The following MCF2L variants were observed in gnomAD, a reference collection of about 807,000 sequenced individuals.
MCF2L encodes guanine nucleotide exchange factor DBS.
MCF2L carries 97 observed loss-of-function variants against 153.4 expected under a neutral mutation model. That is an observed-to-expected ratio of 0.63 (90% confidence interval 0.54 to 0.75). MCF2L has a LOEUF of 0.75. Ranked by LOEUF, MCF2L falls within the 30% of genes least tolerant of loss-of-function variation. MCF2L has a pLI of 0.00. For synonymous variants in MCF2L, 659 were observed against 632.2 expected, an observed-to-expected ratio of 1.04 and a Z score of -0.64; for missense variants, 1,347 against 1,495.2, an observed-to-expected ratio of 0.90 and a Z score of 1.64.
rs542448238 is a variant in MCF2L, at chr13:113,001,891, C to T, written c.80-12872C>T. 9.5e-5 allele frequency: 150 copies of T among 1,583,534 alleles called. No homozygotes were observed. In the East Asian group the frequency reaches 2.6e-3, roughly 28 times the overall value. Reference sequence around the variant, plus strand: ...CGTTCCGGGAGCCGGGTCGGGGGCTCCTGACTCGCACTGGGCAGCATGACG... The same window carrying T: ...CGTTCCGGGAGCCGGGTCGGGGGCTTCTGACTCGCACTGGGCAGCATGACG... On this transcript the variant is annotated intron_variant, in intron 1 of 29. Coordinates refer to ENST00000535094, the MANE Select transcript of MCF2L (RefSeq NM_001112732.3).
At chr13:113,056,934 G>T (rs2030011429) in intron 4 of MCF2L, among the ~76,000 whole-genome samples, 1 of 136,282 alleles carries the variant, frequency 7.3e-6, no homozygotes, top group Non-Finnish European at 1.6e-5. Context: ...CGCTGAGTGG[G>T]TGCTGAGTGG....
At chr13:112,996,523 C>T (rs1041897880) in intron 1 of MCF2L, among the ~76,000 whole-genome samples, 1 of 152,202 alleles carries the variant, frequency 6.6e-6, no homozygotes, top group African/African-American at 2.4e-5. Flanking sequence ...CAAATGTTTC[C>T]CACCATGTGG....
intron 1 of MCF2L, among the ~76,000 whole-genome samples, chr13:113,000,424 C>A (rs900585730): frequency 2.6e-5 from 4 of 152,148 alleles, no homozygotes; most frequent in Admixed American, 6.5e-5. Flanking sequence ...AGGACCCAGG[C>A]GTGGAGGAAG....
Position 112,969,456 on chromosome 13 carries a change from C to G in MCF2L, c.77C>G (p.Thr26Arg). ...AGATTAAATGCGGTTTCCAAGCACACGGGTAGGAGGAGCTGCTGGCCGTCA... is the reference window on the plus strand; with the variant it reads ...AGATTAAATGCGGTTTCCAAGCACAGGGGTAGGAGGAGCTGCTGGCCGTCA... ...VQRLNAVSKH[T>R]DEIMHQDIVP... is the part of the protein sequence containing the mutation. Residue 26 changes from threonine (T) to arginine (R), a missense_variant and splice_region_variant, in exon 1 of 30, where the codon ACG becomes AGG. Coordinates refer to ENST00000535094, the MANE Select transcript of MCF2L (RefSeq NM_001112732.3). The surrounding 1 kb of genome is among the most constrained non-coding windows in gnomAD (Gnocchi z 4.8). 6.5e-7 allele frequency: 1 copy of G among 1,550,116 alleles called. No homozygotes were observed. The highest frequency in any genetic ancestry group is 8.7e-7 in the Non-Finnish European group (1 of 1,146,682).
chr13:112,914,298 G>A (rs1364844760), intron 2 of MCF2L, among the ~76,000 whole-genome samples: 1 of 152,172 alleles, frequency 6.6e-6, no homozygotes, highest in Non-Finnish European at 1.5e-5. Flanking sequence ...ATGGTAAATA[G>A]CGTCTGCACG....
Position 113,081,403 on chromosome 13 carries a change from C to A in MCF2L, c.1875+124C>A, listed in dbSNP as rs935559410. The A allele has an allele frequency of 1.3e-4, 120 of 956,132 alleles. No homozygotes were observed. The East Asian group carries it at 3.2e-3, about 25-fold the overall frequency. 59.2% of individuals were successfully genotyped at this position (956,132 alleles called of 1,614,324 possible). A position where few individuals can be genotyped will look rare whatever the true frequency, so the allele number is the denominator to read the frequency against. On this transcript the variant is annotated intron_variant, in intron 16 of 29. Coordinates refer to ENST00000535094, the MANE Select transcript of MCF2L (RefSeq NM_001112732.3). ...CCACCAAATGCATGTGAGAGAGCGC[C>A]CACAGCAGCCTGGTCGGGCCCCAGA...
At chr13:112,917,366 G>A (rs139814288) in intron 2 of MCF2L, 71 of 349,730 alleles carry the variant, frequency 2.0e-4, no homozygotes, top group African/African-American at 1.3e-3. Flanking sequence ...ACTCATGCCC[G>A]TATCCGACCT....
chr13:112,937,861 G>A (rs368554316), intron 2 of MCF2L, among the ~76,000 whole-genome samples: 1 of 139,350 alleles, frequency 7.2e-6, no homozygotes, highest in South Asian at 2.3e-4. Context: ...CAGGTGAACT[G>A]TGATTGGTTG....
intron 2 of MCF2L, among the ~76,000 whole-genome samples, chr13:113,018,806 C>G (rs188505974): frequency 1.4e-3 from 206 of 152,356 alleles, no homozygotes; most frequent in African/African-American, 4.4e-3. Context: ...CAGAGGCCAC[C>G]GCCACTGTGC....
intron 2 of MCF2L, among the ~76,000 whole-genome samples, chr13:112,958,516 T>C (rs535367860): frequency 6.6e-6 from 1 of 152,280 alleles, no homozygotes; most frequent in African/African-American, 2.4e-5. Flanking sequence ...AGGGTGGGAC[T>C]GGGTGGCGGG....
intron 1 of MCF2L, among the ~76,000 whole-genome samples, chr13:112,990,142 C>T (rs983481229): frequency 1.3e-5 from 2 of 152,192 alleles, no homozygotes; most frequent in Admixed American, 6.5e-5. Flanking sequence ...GTCTGTGGCT[C>T]GGGGCTTGCA....
intron 2 of MCF2L, among the ~76,000 whole-genome samples, chr13:112,926,512 C>T (rs76113482): frequency 0.096 from 14,613 of 151,828 alleles, 797 homozygotes; most frequent in East Asian, 0.17. Flanking sequence ...ACATGCACAG[C>T]GGAGTACTGT....
intron 2 of MCF2L, among the ~76,000 whole-genome samples, chr13:112,952,762 G>T (rs1287433159): frequency 6.6e-6 from 1 of 152,238 alleles, no homozygotes; most frequent in Non-Finnish European, 1.5e-5. Flanking sequence ...CTGGAGTCAT[G>T]TGGAGCAGGA....
In MCF2L at chr13:113,088,559, C is replaced by T. The variant is rs1265973833; in HGVS notation, c.2768-3C>T. 6.2e-7 allele frequency: 1 copy of T among 1,611,124 alleles called. No homozygotes were observed. The highest frequency in any genetic ancestry group is 1.7e-5 in the Admixed American group (1 of 59,900). Reference sequence around the variant, plus strand: ...ACGTGGTTTGTCTGCTCCCTCCTCGCAGAAGCCAGCCAGCACCGGGCGCTG... The same window carrying T: ...ACGTGGTTTGTCTGCTCCCTCCTCGTAGAAGCCAGCCAGCACCGGGCGCTG... On this transcript the variant is annotated splice_polypyrimidine_tract_variant and splice_region_variant and intron_variant, in intron 24 of 29. Transcript: ENST00000535094.
chr13:112,969,190 A>C, upstream of MCF2L: 4 of 867,720 alleles, frequency 4.6e-6, no homozygotes, highest in Non-Finnish European at 2.9e-6. This position sits in a 1 kb window ranked among gnomAD's most constrained non-coding sequence, Gnocchi z 4.8. Flanking sequence ...CCCGCGGCGC[A>C]GCGCGCGCCC....
At chr13:113,084,733 C>G (rs1594985808) in intron 18 of MCF2L, 159 bp from the exon 19 acceptor site, 3 of 644,864 alleles carry the variant, frequency 4.7e-6, no homozygotes, top group East Asian at 2.7e-5. Flanking sequence ...AGTGCCGGCC[C>G]TCGGAAGCTA....
At position 113,070,106 on chromosome 13, in the gene MCF2L, G is replaced by A; in HGVS notation, c.929G>A (p.Trp310Ter). ...ACCGAGGCTGCCTTCGATGAGTTCT[G>A]GGCAAAGCATCAGCAGAAACTGGAG... ...NETEAAFDEF[W>*]AKHQQKLEQC... Residue 310 changes from tryptophan to a stop codon, truncating the protein, a stop_gained, in exon 9 of 30, where the codon TGG becomes TAG. Coordinates refer to ENST00000535094, the MANE Select transcript of MCF2L (RefSeq NM_001112732.3). LOFTEE classifies it high-confidence loss of function. The surrounding 1 kb of genome is among the most constrained non-coding windows in gnomAD (Gnocchi z 5.6). 1 of 1,610,252 alleles carries A rather than the reference G, an allele frequency of 6.2e-7. No individual in the cohort carries two copies. Among genetic ancestry groups the A allele is most frequent in the Non-Finnish European group, 8.5e-7 (1 of 1,178,704 alleles).
Position 112,951,518 on chromosome 13 carries a change from A to G in MCF2L, c.169+49147A>G, listed in dbSNP as rs2081693745. Among the ~76,000 whole-genome samples the G allele has an allele frequency of 6.6e-6, 1 of 152,252 alleles. No individual in the cohort carries two copies. Among genetic ancestry groups the G allele is most frequent in the African/African-American group, 2.4e-5 (1 of 41,464 alleles). Reference sequence around the variant, plus strand: ...ACCATGAACTATTGATACCTGTGACAACCTGGATGAACTCTCCAGAGAATT... The same window carrying G: ...ACCATGAACTATTGATACCTGTGACGACCTGGATGAACTCTCCAGAGAATT... On this transcript the variant is annotated intron_variant, in intron 2 of 29. Coordinates refer to the MCF2L transcript ENST00000375608. This position sits in a 1 kb window ranked among gnomAD's most constrained non-coding sequence, Gnocchi z 4.8.
intron 25 of MCF2L, 82 bp downstream of exon 25, chr13:113,088,710 C>T (rs1299338394): frequency 1.7e-5 from 23 of 1,386,558 alleles, no homozygotes; most frequent in Non-Finnish European, 2.3e-5. Context: ...TCCTCGGCCT[C>T]TGTCAGTGGG....
Sources: gnomAD v4.1 joint callset for allele counts (sites outside exome capture counted in the v4.1 genomes callset) on GRCh38, gnomAD v4.1.1 for gene constraint, Gnocchi (gnomAD v3.1) non-coding constraint, MANE v1.5 for transcripts, NCBI Gene and HGNC (gene_info 2026-07-23, HGNC 2026-07-21) for gene names.